Variants in NBEA observed in about 807,000 individuals in gnomAD.
The protein encoded by NBEA is neurobeachin, also known as lysosomal-trafficking regulator 2.
Under a neutral mutation model 343.4 loss-of-function variants are expected in NBEA, and 44 were observed. The observed-to-expected ratio is 0.13, with a 90% confidence interval of 0.10 to 0.16. The LOEUF is 0.16. Ranked by LOEUF, NBEA falls within the 10% of genes least tolerant of loss-of-function variation. NBEA has a pLI of 1.00. For synonymous variants in NBEA, 1,175 were observed against 1,238.7 expected (o/e 0.95, Z 1.08); for missense variants, 2,555 against 3,631.3 (o/e 0.70, Z 7.62).
At chr13:35,440,332 T>A (rs1377930995) in intron 39 of NBEA, among the ~76,000 whole-genome samples, 1 of 152,222 alleles carries the variant, frequency 6.6e-6, no homozygotes, top group African/African-American at 2.4e-5. Flanking sequence ...CTAATTTAGA[T>A]CATTGTTCAG....
intron 31 of NBEA, among the ~76,000 whole-genome samples, chr13:35,201,690 G>A (rs575107342): frequency 6.6e-6 from 1 of 152,008 alleles, no homozygotes; most frequent in East Asian, 1.9e-4. Context: ...AAAGCTACAT[G>A]ATTTCTAAAA....
chr13:34,995,423 G>GA (rs35718599), intron 1 of NBEA, among the ~76,000 whole-genome samples: 114,580 of 143,612 alleles, frequency 0.8, 46,522 homozygotes, highest in Non-Finnish European at 0.89. Context: ...CCTGTCTCAA[G>GA]AAAAAAAAAA....
chr13:35,198,794 G>A (rs1039130769), intron 31 of NBEA, among the ~76,000 whole-genome samples: 3 of 148,288 alleles, frequency 2.0e-5, no homozygotes, highest in African/African-American at 7.5e-5. Flanking sequence ...CGCTGATGAC[G>A]GATTGAACAG....
intron 41 of NBEA, among the ~76,000 whole-genome samples, chr13:35,490,668 C>T (rs1266934817): frequency 2.6e-5 from 4 of 151,912 alleles, no homozygotes; most frequent in Non-Finnish European, 5.9e-5. Flanking sequence ...AGACAAAGAA[C>T]AAATTGGTAA....
intron 1 of NBEA, among the ~76,000 whole-genome samples, chr13:34,979,742 A>G (rs1486522627): frequency 6.6e-6 from 1 of 152,156 alleles, no homozygotes; most frequent in East Asian, 1.9e-4. Context: ...TAATTCATCA[A>G]CTATTTCTTT....
intron 34 of NBEA, among the ~76,000 whole-genome samples, chr13:35,234,932 AT>A (rs1306254635): frequency 2.0e-5 from 3 of 152,146 alleles, no homozygotes; most frequent in Admixed American, 6.6e-5. Flanking sequence ...TGAGGTGAAA[AT>A]TTGATTTTTC....
chr13:35,011,794 A>G (rs1376038440), intron 1 of NBEA, among the ~76,000 whole-genome samples: 2 of 152,200 alleles, frequency 1.3e-5, no homozygotes, highest in East Asian at 1.9e-4. Context: ...TATTTTACTT[A>G]AGCTTAATTA....
chr13:35,550,896 T>C, intron 42 of NBEA, 34 bp from the exon 43 acceptor site: 1 of 1,388,632 alleles, frequency 7.2e-7, no homozygotes. Flanking sequence ...ATCCTGCGGT[T>C]TTCTAAACTC....
At chr13:35,375,440 A>T (rs2041686519) in intron 38 of NBEA, among the ~76,000 whole-genome samples, 1 of 152,118 alleles carries the variant, frequency 6.6e-6, no homozygotes, top group African/African-American at 2.4e-5. Flanking sequence ...AAAAGGGGGA[A>T]ATCTTAGAAA....
chr13:35,179,654 G>A (rs1039247084), intron 28 of NBEA: 11 of 368,730 alleles, frequency 3.0e-5, no homozygotes, highest in Non-Finnish European at 3.8e-5. Context: ...CTGCCACTGT[G>A]TAGTTGGCAT....
intron 33 of NBEA, among the ~76,000 whole-genome samples, chr13:35,219,669 A>G (rs1400064753): frequency 6.6e-6 from 1 of 152,138 alleles, no homozygotes; most frequent in African/African-American, 2.4e-5. Flanking sequence ...GTTCTAATCA[A>G]AGTACCAAGG....
intron 1 of NBEA, among the ~76,000 whole-genome samples, chr13:35,021,305 A>G (rs1236764846): frequency 6.6e-6 from 1 of 152,184 alleles, no homozygotes; most frequent in African/African-American, 2.4e-5. Context: ...AATGGCTTAC[A>G]AGTCTAAAAT....
At chr13:35,438,155 T>C (rs973266524) in intron 39 of NBEA, among the ~76,000 whole-genome samples, 30 of 152,124 alleles carry the variant, frequency 2.0e-4, no homozygotes, top group African/African-American at 7.0e-4. Context: ...AGTTAATCAG[T>C]CATTTCTTTG....
chr13:35,593,416 G>T lies in NBEA; in HGVS notation c.7265G>T (p.Arg2422Ile). The T allele has an allele frequency of 6.2e-7, 1 of 1,612,160 alleles. No individual in the cohort carries two copies. The highest frequency in any genetic ancestry group is 8.5e-7 in the Non-Finnish European group (1 of 1,178,550). The stretch of plus-strand genomic sequence containing the variant: ...TTCTCATCCGTTGCAAGGTCTTGGA[G>T]AACTAGTCAGAGAGATACTTCTGAT... Reference protein sequence around the residue: ...RTFSSVARSWRTSQRDTSDVK... With the variant: ...RTFSSVARSWITSQRDTSDVK... The change falls in exon 47 of 59, where the codon AGA becomes ATA. Residue 2422 changes from arginine (R) to isoleucine (I), a missense_variant. Coordinates refer to ENST00000379939, the MANE Select transcript of NBEA (RefSeq NM_001385012.1).
At chr13:35,239,974 C>T (rs568735272) in intron 34 of NBEA, among the ~76,000 whole-genome samples, 16 of 151,582 alleles carry the variant, frequency 1.1e-4, no homozygotes, top group African/African-American at 2.7e-4. Flanking sequence ...TTCCTGTTGT[C>T]CCAAGATGGA....
chr13:35,191,576 A>AT (rs5802753), intron 30 of NBEA, among the ~76,000 whole-genome samples: 1 of 151,530 alleles, frequency 6.6e-6, no homozygotes, highest in Non-Finnish European at 1.5e-5. Flanking sequence ...CTTTTTGTGT[A>AT]TTTTTTTTCC....
chr13:35,175,334 A>G (rs1407392661), intron 27 of NBEA, among the ~76,000 whole-genome samples: 3 of 152,232 alleles, frequency 2.0e-5, no homozygotes, highest in African/African-American at 7.2e-5. Context: ...TCTGGCATGC[A>G]GTGAACATTC....
At chr13:35,219,023 A>C (rs1424466938) in intron 33 of NBEA, among the ~76,000 whole-genome samples, 1 of 152,106 alleles carries the variant, frequency 6.6e-6, no homozygotes, top group Non-Finnish European at 1.5e-5. Flanking sequence ...CAGATCTCCC[A>C]AAATTTTCTA....
intron 32 of NBEA, among the ~76,000 whole-genome samples, 176 bp from the exon 33 acceptor site, chr13:35,210,877 T>C (rs1029932249): frequency 1.3e-5 from 2 of 152,176 alleles, no homozygotes; most frequent in South Asian, 4.1e-4. Flanking sequence ...CAATGCAACA[T>C]CTGTTATATA....
Sources: gnomAD v4.1 joint callset for allele counts (sites outside exome capture counted in the v4.1 genomes callset) on GRCh38, gnomAD v4.1.1 for gene constraint, MANE v1.5 for transcripts, NCBI Gene and HGNC (gene_info 2026-07-23, HGNC 2026-07-21) for gene names.